Variants in RUVBL1 observed in about 807,000 individuals in gnomAD.
RUVBL1 encodes the protein ruvB-like 1.
Under a neutral mutation model 52.4 loss-of-function variants are expected in RUVBL1, and 4 were observed. The observed-to-expected ratio is 0.08, with a 90% CI of 0.04 to 0.17. RUVBL1 has a LOEUF of 0.17. RUVBL1 is among the 10% of genes least tolerant of loss of function. RUVBL1 has a pLI of 1.00. For synonymous variants in RUVBL1, 217 were observed against 214.4 expected, an observed-to-expected ratio of 1.01 and a Z score of -0.10; for missense variants, 298 against 572.8, an observed-to-expected ratio of 0.52 and a Z score of 4.90.
chr3:128,101,554 A>G lies in RUVBL1; in HGVS notation c.603+5T>C, dbSNP rs776031078. On this transcript the variant is annotated splice_donor_5th_base_variant and intron_variant, in intron 5 of 10. Transcript: ENST00000322623. The stretch of plus-strand genomic sequence containing the variant: ...GACAATGCTGTGTCCCAAGGAAGGC[A>G]TTACCTTCACGGCCCCACTGTTGGC... 3.7e-6 allele frequency: 6 copies of G among 1,613,336 alleles called. No individual in the cohort carries two copies. The highest frequency in any genetic ancestry group is 5.1e-6 in the Non-Finnish European group (6 of 1,179,376).
intron 1 of RUVBL1, among the ~76,000 whole-genome samples, chr3:128,138,277 A>C (rs1360238663): frequency 6.6e-6 from 1 of 152,054 alleles, no homozygotes; most frequent in Non-Finnish European, 1.5e-5. Context: ...ATGATCTTAT[A>C]TTTACAAAAA....
At chr3:128,115,852 A>G (rs6785535) in intron 2 of RUVBL1, among the ~76,000 whole-genome samples, 21,550 of 152,232 alleles carry the variant, frequency 0.14, 1,726 homozygotes, top group African/African-American at 0.21. Flanking sequence ...GGGACTGGGC[A>G]CGGTGGCTCA....
chr3:128,068,157 A>G, intron 9 of RUVBL1: 1 of 834,454 alleles, frequency 1.2e-6, no homozygotes, highest in South Asian at 1.4e-5. Flanking sequence ...TTACTGGGTC[A>G]CTAAATCTTA....
At chr3:128,147,423 T>G (rs1012473552) in intron 1 of RUVBL1, among the ~76,000 whole-genome samples, 12 of 152,042 alleles carry the variant, frequency 7.9e-5, no homozygotes, top group African/African-American at 2.9e-4. Context: ...ATAATGAGAC[T>G]CCATCTTTAC....
At chr3:128,113,362 C>T (rs1253518945) in intron 2 of RUVBL1, among the ~76,000 whole-genome samples, 1 of 152,156 alleles carries the variant, frequency 6.6e-6, no homozygotes, top group Non-Finnish European at 1.5e-5. Flanking sequence ...TTAAGTAATG[C>T]AACGTAAGTA....
At chr3:128,117,359 A>G (rs1218317378) in intron 2 of RUVBL1, among the ~76,000 whole-genome samples, 2 of 152,332 alleles carry the variant, frequency 1.3e-5, no homozygotes, top group South Asian at 4.1e-4. Flanking sequence ...ATTCCTTATT[A>G]TGGAAACTGC....
intron 3 of RUVBL1, among the ~76,000 whole-genome samples, chr3:128,111,507 G>A (rs552703693): frequency 6.6e-6 from 1 of 152,182 alleles, no homozygotes; most frequent in African/African-American, 2.4e-5. Flanking sequence ...GCGCTACCAT[G>A]CAAACACACC....
chr3:128,091,017 T>A (rs1438284082), intron 8 of RUVBL1, among the ~76,000 whole-genome samples: 1 of 152,238 alleles, frequency 6.6e-6, no homozygotes, highest in East Asian at 1.9e-4. Flanking sequence ...TTTCTTATAG[T>A]TTTTAAAGTC....
At chr3:128,150,854 ATAT>A (rs1249393261) in intron 1 of RUVBL1, among the ~76,000 whole-genome samples, 14 of 79,718 alleles carry the variant, frequency 1.8e-4, no homozygotes, top group Non-Finnish European at 2.6e-4. Flanking sequence ...TATATTCTAT[ATAT>A]TATATATTAT....
In RUVBL1 at chr3:128,082,595, T is replaced by A. The variant is rs771190539; in HGVS notation, c.1120-21A>T. 6.3e-7 allele frequency: 1 copy of A among 1,575,194 alleles called. No homozygotes were observed. Among genetic ancestry groups the A allele is most frequent in the Admixed American group, 1.7e-5 (1 of 57,926 alleles). On this transcript the variant is annotated intron_variant, in intron 9 of 10. Transcript: ENST00000322623. This position sits in a 1 kb window ranked among gnomAD's most constrained non-coding sequence, Gnocchi z 4.7. ...ATGATCTTTTAAAGGATAAAAAACA[T>A]GATCAACGGTGACTGACCTCAAGTG...
In RUVBL1 at chr3:128,142,214, C is replaced by T. The variant is rs555793922; in HGVS notation, c.-40+10989G>A. Reference sequence around the variant, plus strand: ...CCCAGAGTCTGCCTGGGAACGTGGCCGAGCCTGGAGCTCCCATGGGTCCTG... The same window carrying T: ...CCCAGAGTCTGCCTGGGAACGTGGCTGAGCCTGGAGCTCCCATGGGTCCTG... On this transcript the variant is annotated intron_variant, in intron 1 of 9. Coordinates refer to the RUVBL1 transcript ENST00000464873. Among the ~76,000 whole-genome samples, 9 of 152,302 alleles carry T rather than the reference C, an allele frequency of 5.9e-5. No homozygotes were observed. The South Asian group carries it at 1.2e-3, about 21-fold the overall frequency.
intron 6 of RUVBL1, among the ~76,000 whole-genome samples, chr3:128,100,346 G>GGCT (rs1215603990): frequency 1.1e-4 from 17 of 152,204 alleles, no homozygotes. Context: ...GGAGGAAGCT[G>GGCT]GCTAGCTCAG....
intron 1 of RUVBL1, among the ~76,000 whole-genome samples, chr3:128,152,417 A>G (rs549632692): frequency 2.0e-4 from 31 of 151,838 alleles, no homozygotes; most frequent in Non-Finnish European, 3.5e-4. Flanking sequence ...TCAAACAGCA[A>G]CTCCTAGATG....
chr3:128,097,366 C>T lies in RUVBL1; in HGVS notation c.950G>A (p.Arg317His), dbSNP rs1943008032. Residue 317 changes from arginine (R) to histidine (H), a missense_variant, in exon 8 of 11, where the codon CGC (arginine) becomes CAC (histidine). Arg to His is a conservative substitution (Grantham distance 29). Coordinates refer to ENST00000322623, the MANE Select transcript of RUVBL1 (RefSeq NM_003707.3). The part of the protein sequence containing the change: ...LDIECFTYLH[R>H]ALESSIAPIV... ...GGGAGCGATAGAAGACTCCAGGGCG[C>T]GGTGCAGGTAGGTGAAGCACTCAAT... 2.5e-5 allele frequency: 40 copies of T among 1,614,192 alleles called. No individual in the cohort carries two copies. Among genetic ancestry groups the T allele is most frequent in the Non-Finnish European group, 3.2e-5 (38 of 1,180,044 alleles).
intron 9 of RUVBL1, chr3:128,069,540 T>G: frequency 6.2e-7 from 1 of 1,614,110 alleles, no homozygotes; most frequent in African/African-American, 1.3e-5. Context: ...CCTGGCTGAC[T>G]TCCTAGGCGC....
At position 128,121,450 on chromosome 3, in the gene RUVBL1, C is replaced by T. The variant is rs185522119; in HGVS notation, c.142-2036G>A. Among the ~76,000 whole-genome samples the T allele has an allele frequency of 2.3e-3, 347 of 151,484 alleles. 1 individual carries two copies. Among genetic ancestry groups the T allele is most frequent in the Non-Finnish European group, 3.5e-3 (240 of 67,830 alleles). ...ACCTAGCCAGGCGCGTTGGCTCATG[C>T]CTGTAATCCCAGCACTTCGGGAGGC... On this transcript the variant is annotated intron_variant, in intron 1 of 10. Transcript: ENST00000322623.
intron 2 of RUVBL1, among the ~76,000 whole-genome samples, chr3:128,118,546 G>A (rs973518120): frequency 2.0e-5 from 3 of 152,026 alleles, no homozygotes; most frequent in Non-Finnish European, 2.9e-5. Flanking sequence ...CACATCAAGC[G>A]GCCCTTTTGA....
chr3:128,094,098 C>A (rs957479388), intron 8 of RUVBL1, among the ~76,000 whole-genome samples: 2 of 152,194 alleles, frequency 1.3e-5, no homozygotes, highest in Non-Finnish European at 2.9e-5. Context: ...ACTTTTTCTA[C>A]TCTTCACATA....
At chr3:128,137,359 C>T (rs1442081084) in intron 1 of RUVBL1, among the ~76,000 whole-genome samples, 1 of 152,038 alleles carries the variant, frequency 6.6e-6, no homozygotes, top group Non-Finnish European at 1.5e-5. Context: ...AAAAGGGAGA[C>T]ATTACAACTG....
Sources: gnomAD v4.1 joint callset for allele counts (sites outside exome capture counted in the v4.1 genomes callset) on GRCh38, gnomAD v4.1.1 for gene constraint, Gnocchi (gnomAD v3.1) non-coding constraint, MANE v1.5 for transcripts, NCBI Gene and HGNC (gene_info 2026-07-23, HGNC 2026-07-21) for gene names.